The following ZNF804B variants were observed in gnomAD, a reference collection of about 807,000 sequenced individuals.
ZNF804B encodes the protein zinc finger 804B.
In ZNF804B, 80 loss-of-function variants were observed where a neutral mutation model predicts 101.4. The ratio of observed to expected loss-of-function variants is 0.79; its 90% CI spans 0.66 to 0.95. The LOEUF is 0.95. Ranked by LOEUF, ZNF804B falls within the 40% of genes least tolerant of loss-of-function variation. ZNF804B has a pLI of 0.00. For missense variants in ZNF804B, 1,673 were observed against 1,561.9 expected (o/e 1.07, Z -1.20); for synonymous variants, 622 against 558.8 (o/e 1.11, Z -1.59).
intron 2 of ZNF804B, among the ~76,000 whole-genome samples, chr7:89,241,140 C>T (rs1443699804): frequency 2.0e-5 from 3 of 152,098 alleles, no homozygotes; most frequent in Admixed American, 6.6e-5. Context: ...GGCCATTCTG[C>T]TCTTACGTAG....
At chr7:89,153,915 C>A (rs1790915671) in intron 1 of ZNF804B, among the ~76,000 whole-genome samples, 1 of 152,146 alleles carries the variant, frequency 6.6e-6, no homozygotes, top group African/African-American at 2.4e-5. Flanking sequence ...CAACTTCTCT[C>A]ATTTCTTTCC....
At chr7:89,253,865 G>A (rs563313428) in intron 2 of ZNF804B, among the ~76,000 whole-genome samples, 4 of 151,880 alleles carry the variant, frequency 2.6e-5, no homozygotes, top group Admixed American at 6.6e-5. Flanking sequence ...TGCAAACCCC[G>A]TTTATACTAG....
intron 1 of ZNF804B, among the ~76,000 whole-genome samples, chr7:89,096,972 A>G (rs1159340159): frequency 6.6e-6 from 1 of 152,140 alleles, no homozygotes; most frequent in African/African-American, 2.4e-5. Flanking sequence ...CCTAGGTTTC[A>G]TTCCTAGCAT....
At chr7:88,784,457 T>C (rs1023914797) in intron 1 of ZNF804B, among the ~76,000 whole-genome samples, 2 of 152,148 alleles carry the variant, frequency 1.3e-5, no homozygotes, top group Non-Finnish European at 2.9e-5. Context: ...CAAAACTGGA[T>C]AGAGCCCTTT....
At chr7:88,824,304 C>CTGTTCTTG (rs1478321470) in intron 1 of ZNF804B, among the ~76,000 whole-genome samples, 2 of 152,240 alleles carry the variant, frequency 1.3e-5, no homozygotes, top group East Asian at 3.9e-4. Flanking sequence ...TAGCCTCATG[C>CTGTTCTTG]TGTTCTTGTG....
intron 1 of ZNF804B, among the ~76,000 whole-genome samples, chr7:88,942,312 A>G (rs181952605): frequency 1.3e-5 from 2 of 151,936 alleles, no homozygotes; most frequent in Admixed American, 1.3e-4. Flanking sequence ...GTGCTTAGTA[A>G]ATTGTGACAA....
At chr7:88,797,968 T>C (rs756414817) in intron 1 of ZNF804B, among the ~76,000 whole-genome samples, 6 of 152,158 alleles carry the variant, frequency 3.9e-5, no homozygotes, top group Non-Finnish European at 8.8e-5. Flanking sequence ...GAATAAATAA[T>C]AAAAACTATT....
intron 1 of ZNF804B, among the ~76,000 whole-genome samples, chr7:89,040,866 A>AGACT (rs1241284094): frequency 1.3e-5 from 2 of 152,022 alleles, no homozygotes; most frequent in African/African-American, 4.8e-5. Flanking sequence ...CTAGAGCCTG[A>AGACT]GACTGTGGAA....
intron 1 of ZNF804B, among the ~76,000 whole-genome samples, chr7:88,814,373 A>G (rs1357543678): frequency 3.3e-5 from 5 of 151,574 alleles, no homozygotes; most frequent in Admixed American, 2.6e-4. Flanking sequence ...GTTTATTTCC[A>G]TTCTGAGGTT....
intron 1 of ZNF804B, among the ~76,000 whole-genome samples, chr7:88,905,759 T>G (rs1792460142): frequency 6.6e-6 from 1 of 152,144 alleles, no homozygotes; most frequent in South Asian, 2.1e-4. Context: ...GATTTTGGTA[T>G]TGGATGCTGG....
In ZNF804B at chr7:89,255,743, A is replaced by G. The variant is rs543762258; in HGVS notation, c.249+37448A>G. On this transcript the variant is annotated intron_variant, in intron 2 of 3. Transcript: ENST00000333190. Reference sequence around the variant, plus strand: ...GGAAAACGATAATTTAAATGATACAAAAAAACCAAAAACTTTACAGAGAGG... The same window carrying G: ...GGAAAACGATAATTTAAATGATACAGAAAAACCAAAAACTTTACAGAGAGG... Among the ~76,000 whole-genome samples the G allele has an allele frequency of 5.8e-4, 89 of 152,296 alleles. 1 individual carries two copies. Among genetic ancestry groups the G allele is most frequent in the Non-Finnish European group, 1.1e-3 (75 of 68,026 alleles).
At chr7:88,876,580 G>C (rs1791942650) in intron 1 of ZNF804B, among the ~76,000 whole-genome samples, 1 of 151,960 alleles carries the variant, frequency 6.6e-6, no homozygotes, top group Non-Finnish European at 1.5e-5. Context: ...CTGACCACTA[G>C]GTCTATTTTA....
At chr7:89,018,471 A>G (rs1460559465) in intron 1 of ZNF804B, among the ~76,000 whole-genome samples, 1 of 69,456 alleles carries the variant, frequency 1.4e-5, no homozygotes, top group Non-Finnish European at 2.8e-5. Context: ...TGTAGTTTTT[A>G]TGGAGTTTTT....
intron 1 of ZNF804B, among the ~76,000 whole-genome samples, chr7:88,836,910 G>A (rs1791222098): frequency 6.6e-6 from 1 of 151,880 alleles, no homozygotes; most frequent in African/African-American, 2.4e-5. Flanking sequence ...GATGTCCAGT[G>A]TTTTGAAAAA....
At chr7:89,144,718 T>C (rs912121938) in intron 1 of ZNF804B, among the ~76,000 whole-genome samples, 22 of 152,140 alleles carry the variant, frequency 1.4e-4, no homozygotes, top group Non-Finnish European at 3.2e-4. Context: ...AAAAATTAAG[T>C]ATATGAGTTA....
At chr7:89,216,935 T>C (rs892039150) in intron 1 of ZNF804B, among the ~76,000 whole-genome samples, 7 of 152,252 alleles carry the variant, frequency 4.6e-5, no homozygotes, top group African/African-American at 1.7e-4. Context: ...CCAGTCACTC[T>C]TTTATTTGGT....
chr7:89,327,579 A>G, intron 3 of ZNF804B, 105 bp downstream of exon 3: 1 of 1,433,190 alleles, frequency 7.0e-7, no homozygotes, highest in African/African-American at 1.5e-5. Context: ...TAACTAACTA[A>G]TAGATATGTC....
At chr7:89,197,227 A>C (rs1049762601) in intron 1 of ZNF804B, among the ~76,000 whole-genome samples, 2 of 151,978 alleles carry the variant, frequency 1.3e-5, no homozygotes, top group Non-Finnish European at 2.9e-5. Context: ...TGAAGAAAAA[A>C]AATTATCTTT....
Position 89,218,174 on chromosome 7 carries a change from C to A in ZNF804B, c.128C>A (p.Ser43Tyr). 6.2e-7 allele frequency: 1 copy of A among 1,612,660 alleles called. No individual in the cohort carries two copies. The highest frequency in any genetic ancestry group is 1.1e-5 in the South Asian group (1 of 90,740). ...SPSPDFAEKK[S>Y]TAKALEDVKA... ...TTAAAGGATTTTGCAGAAAAGAAGT[C>A]CACAGCAAAGGCCCTGGAAGATGTA... Residue 43 changes from serine to tyrosine, a missense_variant, in exon 2 of 4, where the codon TCC (serine) becomes TAC (tyrosine). Physicochemically the swap from Ser to Tyr is moderately radical, Grantham distance 144. Transcript: ENST00000333190.
Sources: allele counts gnomAD v4.1 joint callset (sites outside exome capture counted in the v4.1 genomes callset), GRCh38; gene constraint gnomAD v4.1.1; transcripts MANE v1.5; gene names NCBI Gene and HGNC (gene_info 2026-07-23, HGNC 2026-07-21).